ROBO2: variants seen among roughly 807,000 people sequenced by gnomAD.
ROBO2 encodes the protein roundabout homolog 2.
Under a neutral mutation model 160.8 loss-of-function variants are expected in ROBO2, and 53 were observed. The ratio of observed to expected loss-of-function variants is 0.33; its 90% confidence interval spans 0.26 to 0.41. ROBO2 has a LOEUF of 0.41. ROBO2 is among the 10% of genes least tolerant of loss of function. The pLI is 1.00. For missense variants in ROBO2, 1,577 were observed against 1,722.4 expected (o/e 0.92, Z 1.49); for synonymous variants, 664 against 611.7 (o/e 1.09, Z -1.26).
intron 2 of ROBO2, among the ~76,000 whole-genome samples, chr3:76,262,213 T>A (rs531232037): frequency 2.0e-5 from 3 of 152,126 alleles, no homozygotes; most frequent in Non-Finnish European, 2.9e-5. Context: ...TCCAGAACAT[T>A]TAATACTTAT....
At chr3:76,753,794 TCTTAGCATTACA>T (rs2060815692) in intron 2 of ROBO2, among the ~76,000 whole-genome samples, 1 of 151,906 alleles carries the variant, frequency 6.6e-6, no homozygotes, top group African/African-American at 2.4e-5. Flanking sequence ...TAGGGGCTGC[TCTTAGCATTACA>T]GGCAAAGTAA....
At chr3:76,567,819 T>TTTGGGGGGGG (rs2084693146) in intron 2 of ROBO2, among the ~76,000 whole-genome samples, 1 of 140,646 alleles carries the variant, frequency 7.1e-6, no homozygotes, top group African/African-American at 2.7e-5. Context: ...TTTTTTTTTT[T>TTTGGGGGGGG]TTTTGGGGGG....
At chr3:77,010,253 A>G (rs569482617) in intron 2 of ROBO2, among the ~76,000 whole-genome samples, 2 of 151,988 alleles carry the variant, frequency 1.3e-5, no homozygotes, top group Admixed American at 1.3e-4. Context: ...CAAGAACTTG[A>G]TTCCCCTCAT....
intron 2 of ROBO2, among the ~76,000 whole-genome samples, chr3:76,010,687 A>C (rs644104): frequency 0.78 from 119,334 of 152,180 alleles, 47,415 homozygotes; most frequent in South Asian, 0.9. Flanking sequence ...AATGTAGTTT[A>C]AAATTATGAT....
chr3:77,315,193 G>C (rs1439708024), intron 2 of ROBO2, among the ~76,000 whole-genome samples: 1 of 152,020 alleles, frequency 6.6e-6, no homozygotes, highest in Non-Finnish European at 1.5e-5. Flanking sequence ...CTACACAAAG[G>C]TCTTATTTGC....
chr3:76,630,395 T>C (rs879636880), intron 2 of ROBO2, among the ~76,000 whole-genome samples: 20 of 152,212 alleles, frequency 1.3e-4, no homozygotes, highest in Non-Finnish European at 2.1e-4. Flanking sequence ...GCCACTTGTA[T>C]TTGCTAATCT....
chr3:76,371,370 A>G (rs770328642), intron 2 of ROBO2, among the ~76,000 whole-genome samples: 20 of 152,106 alleles, frequency 1.3e-4, no homozygotes, highest in Middle Eastern at 3.4e-3. Flanking sequence ...GAGTCTTTGC[A>G]CATACTGTAT....
intron 2 of ROBO2, among the ~76,000 whole-genome samples, chr3:76,711,023 T>C (rs1227507542): frequency 6.6e-6 from 1 of 152,222 alleles, no homozygotes; most frequent in Admixed American, 6.5e-5. Context: ...TTTAAAATGG[T>C]TGACTGGTCC....
intron 2 of ROBO2, among the ~76,000 whole-genome samples, chr3:77,389,786 C>T (rs146557503): frequency 6.6e-6 from 1 of 151,866 alleles, no homozygotes; most frequent in Non-Finnish European, 1.5e-5. Context: ...TTCAGCAAGA[C>T]CATGACATTG....
chr3:76,205,227 CT>C (rs1702742585), intron 2 of ROBO2, among the ~76,000 whole-genome samples: 1 of 152,166 alleles, frequency 6.6e-6, no homozygotes, highest in South Asian at 2.1e-4. Flanking sequence ...ATTCCCAGCT[CT>C]GCTGTTGTTA....
At chr3:76,097,317 C>T (rs2069493988) in intron 2 of ROBO2, among the ~76,000 whole-genome samples, 1 of 152,102 alleles carries the variant, frequency 6.6e-6, no homozygotes, top group Non-Finnish European at 1.5e-5. Flanking sequence ...CATAGCCTAG[C>T]ACCTGAACTT....
chr3:77,530,401 A>G (rs1448959264), intron 6 of ROBO2, among the ~76,000 whole-genome samples: 4 of 151,870 alleles, frequency 2.6e-5, no homozygotes, highest in African/African-American at 9.7e-5. Context: ...CAAACCCCCA[A>G]ACTGAGAATT....
chr3:76,846,512 T>C (rs2068785137), intron 2 of ROBO2, among the ~76,000 whole-genome samples: 1 of 152,118 alleles, frequency 6.6e-6, no homozygotes, highest in Non-Finnish European at 1.5e-5. Context: ...TACTTTAGTA[T>C]CTCTGAATGA....
At chr3:77,075,586 T>A (rs2067887023) in intron 1 of ROBO2, among the ~76,000 whole-genome samples, 1 of 151,786 alleles carries the variant, frequency 6.6e-6, no homozygotes, top group South Asian at 2.1e-4. Context: ...TTTTTTGCAT[T>A]TAAATGTTGA....
chr3:77,226,155 G>A lies in ROBO2; in HGVS notation c.388+127815G>A, dbSNP rs114561346. Among the ~76,000 whole-genome samples, 871 of 152,094 alleles carry A rather than the reference G, an allele frequency of 5.7e-3. 4 individuals are homozygous for A. The highest frequency in any genetic ancestry group is 0.015 in the South Asian group (74 of 4,814). On this transcript the variant is annotated intron_variant, in intron 2 of 25. Coordinates refer to ENST00000461745, the Ensembl canonical transcript of ROBO2. Reference sequence around the variant, plus strand: ...CACAAAACATTGAAGTATGTTTTAAGTTAAGCAAACAACAAGTTTTGACCA... The same window carrying A: ...CACAAAACATTGAAGTATGTTTTAAATTAAGCAAACAACAAGTTTTGACCA...
At chr3:77,037,923 C>T (rs950351484), upstream of ROBO2, among the ~76,000 whole-genome samples, 5 of 152,142 alleles carry the variant, frequency 3.3e-5, no homozygotes, top group African/African-American at 9.7e-5. Context: ...AAAAATTTCA[C>T]CCGCGTAAGG....
chr3:76,395,571 C>G (rs1200626422), intron 2 of ROBO2, among the ~76,000 whole-genome samples: 6 of 150,650 alleles, frequency 4.0e-5, no homozygotes, highest in East Asian at 3.9e-4. Flanking sequence ...TGATAGACCG[C>G]TAGCAAGACT....
chr3:76,662,723 G>A (rs956449060), intron 2 of ROBO2, among the ~76,000 whole-genome samples: 3 of 152,178 alleles, frequency 2.0e-5, no homozygotes, highest in Admixed American at 6.5e-5. Flanking sequence ...GCAGTGGATA[G>A]AGGAAGAGCT....
chr3:77,613,981 A>C (rs2094708824), intron 21 of ROBO2, among the ~76,000 whole-genome samples: 1 of 152,204 alleles, frequency 6.6e-6, no homozygotes, highest in Admixed American at 6.5e-5. Context: ...ATTGGAAATA[A>C]GTTGGTTCTT....
Sources: allele counts gnomAD v4.1 joint callset (sites outside exome capture counted in the v4.1 genomes callset), GRCh38; gene constraint gnomAD v4.1.1; transcripts MANE v1.5; gene names NCBI Gene and HGNC (gene_info 2026-07-23, HGNC 2026-07-21).